Variants in LPGAT1 observed in about 807,000 individuals in gnomAD.
LPGAT1 encodes acyl-CoA:lysophosphatidylglycerol acyltransferase 1.
LPGAT1 carries 11 observed loss-of-function variants against 47.5 expected under a neutral mutation model. The ratio of observed to expected loss-of-function variants is 0.23; its 90% CI spans 0.15 to 0.38. LPGAT1 has a LOEUF of 0.38. Ranked by LOEUF, LPGAT1 falls within the 10% of genes least tolerant of loss-of-function variation. The pLI is 1.00. For synonymous variants in LPGAT1, 138 were observed against 144.2 expected, an observed-to-expected ratio of 0.96 and a Z score of 0.31; for missense variants, 293 against 439.0, an observed-to-expected ratio of 0.67 and a Z score of 2.97.
intron 2 of LPGAT1, among the ~76,000 whole-genome samples, chr1:211,822,030 C>T (rs1332329915): frequency 6.6e-6 from 1 of 152,148 alleles, no homozygotes; most frequent in African/African-American, 2.4e-5. Flanking sequence ...ATGCTGTATA[C>T]TAGAGACACA....
chr1:211,830,550 G>A lies in LPGAT1; in HGVS notation c.-28+23C>T. The A allele has an allele frequency of 8.3e-7, 1 of 1,205,438 alleles. No homozygotes were observed. The highest frequency in any genetic ancestry group is 1.6e-5 in the African/African-American group (1 of 63,232). 74.7% of individuals were successfully genotyped at this position (1,205,438 alleles called of 1,614,324 possible). ...CGGCTCCGCTGCCGCTCTGGGGCCT[G>A]CGACCGCGGAGCCGGAGGTTACCTC... On this transcript the variant is annotated intron_variant, in intron 1 of 7. Coordinates refer to ENST00000366997, the MANE Select transcript of LPGAT1 (RefSeq NM_014873.3). This position sits in a 1 kb window ranked among gnomAD's most constrained non-coding sequence, Gnocchi z 5.9.
Position 211,749,609 on chromosome 1 carries a change from T to C in LPGAT1, c.*290A>G. The C allele has an allele frequency of 5.9e-6, 2 of 338,308 alleles. No homozygotes were observed. Among genetic ancestry groups the C allele is most frequent in the South Asian group, 6.0e-5 (2 of 33,382 alleles). 21.0% of individuals were successfully genotyped at this position (338,308 alleles called of 1,614,324 possible). ...CAACAGAATTTCTCTCAGATAGTCT[T>C]CTAGGATGATTTTATGATTTCCTCT... On this transcript the variant is annotated 3_prime_UTR_variant, in exon 8 of 8. Coordinates refer to ENST00000366997, the MANE Select transcript of LPGAT1 (RefSeq NM_014873.3).
At chr1:211,814,164 T>C (rs1660092650) in intron 2 of LPGAT1, among the ~76,000 whole-genome samples, 1 of 152,218 alleles carries the variant, frequency 6.6e-6, no homozygotes, top group Admixed American at 6.5e-5. Context: ...AGACACATTA[T>C]TTATTCATCC....
In LPGAT1 at chr1:211,785,584, A is replaced by G. The variant is rs138719059; in HGVS notation, c.453+2048T>C. On this transcript the variant is annotated intron_variant, in intron 4 of 7. Coordinates refer to ENST00000366997, the MANE Select transcript of LPGAT1 (RefSeq NM_014873.3). Reference sequence around the variant, plus strand: ...ATTTTCAACTTTTATCTAAAAGTACACCGATAATCTAGTATAATTTAGCCT... The same window carrying G: ...ATTTTCAACTTTTATCTAAAAGTACGCCGATAATCTAGTATAATTTAGCCT... Among the ~76,000 whole-genome samples the G allele has an allele frequency of 2.6e-5, 4 of 151,966 alleles. No homozygotes were observed. In the East Asian group the frequency reaches 7.7e-4, roughly 29 times the overall value.
rs1166713313 is a variant in LPGAT1, at chr1:211,806,366, T to C, written c.239-13176A>G. Reference sequence around the variant, plus strand: ...AAAAAAAGAATGAAATCATGTCCTCTGCAGCAACATGGATACAGCTGGAAG... The same window carrying C: ...AAAAAAAGAATGAAATCATGTCCTCCGCAGCAACATGGATACAGCTGGAAG... On this transcript the variant is annotated intron_variant, in intron 2 of 7. Transcript: ENST00000366997. 5.3e-5 allele frequency among the ~76,000 whole-genome samples: 8 copies of C among 150,460 alleles called. No individual in the cohort carries two copies. The South Asian group carries it at 8.3e-4, about 16-fold the overall frequency.
chr1:211,811,506 C>T (rs1217727055), intron 2 of LPGAT1, among the ~76,000 whole-genome samples: 1 of 152,122 alleles, frequency 6.6e-6, no homozygotes, highest in Non-Finnish European at 1.5e-5. Context: ...GCCTGTAATC[C>T]AGCACTTTGG....
chr1:211,779,231 T>C (rs1167151072), intron 5 of LPGAT1, among the ~76,000 whole-genome samples, 187 bp from the exon 6 acceptor site: 2 of 152,184 alleles, frequency 1.3e-5, no homozygotes, highest in Non-Finnish European at 2.9e-5. Flanking sequence ...TTACTTATGT[T>C]ATAAAATGGA....
chr1:211,752,359 T>G (rs1657227778), intron 6 of LPGAT1, among the ~76,000 whole-genome samples: 1 of 152,018 alleles, frequency 6.6e-6, no homozygotes, highest in Non-Finnish European at 1.5e-5. Flanking sequence ...TAAAAGCTAT[T>G]GGAATCCCCA....
intron 6 of LPGAT1, among the ~76,000 whole-genome samples, chr1:211,763,966 G>GT (rs1657807356): frequency 6.6e-6 from 1 of 152,304 alleles, no homozygotes; most frequent in African/African-American, 2.4e-5. Context: ...GAGGTCAGGA[G>GT]TTTGAGACCA....
intron 6 of LPGAT1, among the ~76,000 whole-genome samples, chr1:211,760,906 G>A (rs567694381): frequency 1.2e-4 from 19 of 152,290 alleles, no homozygotes; most frequent in African/African-American, 4.6e-4. Flanking sequence ...ACTTCACCTT[G>A]ATATTAGAGG....
intron 3 of LPGAT1, among the ~76,000 whole-genome samples, chr1:211,790,764 A>G (rs921638696): frequency 1.3e-5 from 2 of 152,190 alleles, no homozygotes; most frequent in African/African-American, 2.4e-5. Flanking sequence ...ATGACTGGGG[A>G]ATTTTAAATT....
At chr1:211,820,036 T>C (rs1033969464) in intron 2 of LPGAT1, among the ~76,000 whole-genome samples, 8 of 150,974 alleles carry the variant, frequency 5.3e-5, no homozygotes, top group African/African-American at 1.5e-4. Context: ...GCTGGAGCCA[T>C]GTCCCTCCAA....
At chr1:211,811,382 A>G (rs1298982601) in intron 2 of LPGAT1, among the ~76,000 whole-genome samples, 1 of 152,248 alleles carries the variant, frequency 6.6e-6, no homozygotes, top group Non-Finnish European at 1.5e-5. Flanking sequence ...AGGAACTGAT[A>G]ACATACGGGT....
chr1:211,826,573 T>C (rs977349227), intron 2 of LPGAT1, among the ~76,000 whole-genome samples: 2 of 152,134 alleles, frequency 1.3e-5, no homozygotes, highest in African/African-American at 2.4e-5. Context: ...GGCTACTATA[T>C]GGGGCTGTGT....
At chr1:211,762,322 A>G (rs898996719) in intron 6 of LPGAT1, among the ~76,000 whole-genome samples, 1 of 152,204 alleles carries the variant, frequency 6.6e-6, no homozygotes, top group African/African-American at 2.4e-5. Context: ...TGAAGTATCT[A>G]TTGCTTCAAT....
chr1:211,788,031 T>G (rs1481399340), intron 3 of LPGAT1, among the ~76,000 whole-genome samples: 1 of 152,170 alleles, frequency 6.6e-6, no homozygotes, highest in African/African-American at 2.4e-5. Context: ...TACCCCAAAG[T>G]CTCTGATAAT....
intron 2 of LPGAT1, among the ~76,000 whole-genome samples, chr1:211,796,303 T>TCA: frequency 6.6e-6 from 1 of 152,136 alleles, no homozygotes; most frequent in African/African-American, 2.4e-5. Context: ...TCATACTGGA[T>TCA]TAGGGTGGGC....
Position 211,748,066 on chromosome 1 carries a change from A to C in LPGAT1, c.*1833T>G, listed in dbSNP as rs1437739711. On this transcript the variant is annotated 3_prime_UTR_variant, in exon 8 of 8. Coordinates refer to ENST00000366997, the MANE Select transcript of LPGAT1 (RefSeq NM_014873.3). ...TACCTTTCCCACATAACTGGGGAAA[A>C]TTCACATCTTTTCTGTTTTTTTTTG... 2 of 152,272 alleles carry C rather than the reference A, an allele frequency of 1.3e-5. No homozygotes were observed. Among genetic ancestry groups the C allele is most frequent in the Non-Finnish European group, 2.9e-5 (2 of 67,960 alleles). 9.4% of individuals were successfully genotyped at this position (152,272 alleles called of 1,614,324 possible). A position where few individuals can be genotyped will look rare whatever the true frequency, so the allele number is the denominator to read the frequency against.
chr1:211,787,567 C>T, intron 4 of LPGAT1, 65 bp downstream of exon 4: 1 of 818,286 alleles, frequency 1.2e-6, no homozygotes, highest in Non-Finnish European at 1.9e-6. Flanking sequence ...TGTTATACCT[C>T]TTTTTATAAT....
Sources: gnomAD v4.1 joint callset for allele counts (sites outside exome capture counted in the v4.1 genomes callset) on GRCh38, gnomAD v4.1.1 for gene constraint, Gnocchi (gnomAD v3.1) non-coding constraint, MANE v1.5 for transcripts, NCBI Gene and HGNC (gene_info 2026-07-23, HGNC 2026-07-21) for gene names.